THSD7B: variants seen among roughly 807,000 people sequenced by gnomAD.
THSD7B encodes the protein thrombospondin type-1 domain-containing protein 7B.
A neutral mutation model predicts 213.6 loss-of-function variants in THSD7B; 138 were observed. The ratio of observed to expected loss-of-function variants is 0.65; its 90% CI spans 0.56 to 0.74. THSD7B has a LOEUF of 0.74. Ranked by LOEUF, THSD7B falls within the 30% of genes least tolerant of loss-of-function variation. The pLI is 0.00. For synonymous variants in THSD7B, 742 were observed against 687.0 expected (o/e 1.08, Z -1.25); for missense variants, 1,931 against 1,991.5 (o/e 0.97, Z 0.58).
chr2:137,052,671 A>G (rs1687090375), intron 2 of THSD7B, among the ~76,000 whole-genome samples: 1 of 152,098 alleles, frequency 6.6e-6, no homozygotes, highest in Admixed American at 6.6e-5. Context: ...TGGACAAGAG[A>G]TGTAAGATTT....
At chr2:137,476,643 T>C (rs1688199558) in intron 15 of THSD7B, among the ~76,000 whole-genome samples, 2 of 152,172 alleles carry the variant, frequency 1.3e-5, no homozygotes, top group South Asian at 4.1e-4. Flanking sequence ...ACATCTCAGC[T>C]CACTGCCACC....
chr2:137,080,910 A>T lies in THSD7B; in HGVS notation c.951-13963A>T, dbSNP rs74824956. The stretch of plus-strand genomic sequence containing the variant: ...TTGAATGAAGCTTAGTTTCCAGCAA[A>T]TTCTTGAGGAAAATCACAATATACA... On this transcript the variant is annotated intron_variant, in intron 3 of 27. Coordinates refer to ENST00000409968, the MANE Select transcript of THSD7B (RefSeq NM_001316349.2). Among the ~76,000 whole-genome samples the T allele has an allele frequency of 8.3e-3, 1,262 of 152,220 alleles. 15 individuals carry two copies. Among genetic ancestry groups the T allele is most frequent in the African/African-American group, 0.028 (1,178 of 41,546 alleles).
chr2:136,960,825 C>T (rs1234819180), intron 2 of THSD7B, among the ~76,000 whole-genome samples: 1 of 151,290 alleles, frequency 6.6e-6, no homozygotes, highest in Non-Finnish European at 1.5e-5. Flanking sequence ...CGCAGTGGCT[C>T]AGGCCTGTAA....
chr2:137,343,159 G>T (rs1157937401), intron 12 of THSD7B, among the ~76,000 whole-genome samples: 2 of 147,124 alleles, frequency 1.4e-5, no homozygotes, highest in African/African-American at 2.5e-5. Context: ...GTGTTTTTTT[G>T]TTGTTTTTGT....
At position 136,810,414 on chromosome 2, in the gene THSD7B, T is replaced by G. The variant is rs536908928; in HGVS notation, c.-36+44727T>G. On this transcript the variant is annotated intron_variant, in intron 1 of 27. Coordinates refer to ENST00000409968, the MANE Select transcript of THSD7B (RefSeq NM_001316349.2). ...GTGGTCACTAAGTGTAAAAAGAGAG[T>G]CATAGCTCTCTATGCCAGTCCCCAA... Among the ~76,000 whole-genome samples the G allele has an allele frequency of 5.3e-5, 8 of 152,198 alleles. No individual in the cohort carries two copies. The South Asian group carries it at 1.7e-3, about 32-fold the overall frequency.
intron 7 of THSD7B, among the ~76,000 whole-genome samples, chr2:137,198,087 C>CTTCAAATT (rs1163038470): frequency 6.6e-6 from 1 of 152,090 alleles, no homozygotes; most frequent in Non-Finnish European, 1.5e-5. Context: ...CATTATTTAG[C>CTTCAAATT]TTCAAATTTT....
chr2:136,929,421 T>A (rs1197302067), intron 2 of THSD7B, among the ~76,000 whole-genome samples: 1 of 152,184 alleles, frequency 6.6e-6, no homozygotes, highest in Non-Finnish European at 1.5e-5. Flanking sequence ...GTACATCTTG[T>A]TTTTCTATAT....
chr2:137,128,101 T>C (rs1053515236), intron 5 of THSD7B, among the ~76,000 whole-genome samples: 3 of 152,160 alleles, frequency 2.0e-5, no homozygotes, highest in African/African-American at 7.2e-5. Context: ...CTAAAATGGA[T>C]TGGGAACACT....
At position 137,003,417 on chromosome 2, in the gene THSD7B, G is replaced by A. The variant is rs147386860; in HGVS notation, c.140-53003G>A. Among the ~76,000 whole-genome samples the A allele has an allele frequency of 1.1e-3, 167 of 152,278 alleles. 2 individuals are homozygous for A. Among genetic ancestry groups the A allele is most frequent in the African/African-American group, 4.0e-3 (165 of 41,564 alleles). ...TAACAGAAAGTAGAGATAGGATTAT[G>A]GAGATAAGAGGGGTGTAACAATAGA... On this transcript the variant is annotated intron_variant, in intron 2 of 27. Coordinates refer to ENST00000409968, the MANE Select transcript of THSD7B (RefSeq NM_001316349.2).
At chr2:137,295,922 T>G (rs1222686400) in intron 12 of THSD7B, among the ~76,000 whole-genome samples, 1 of 152,150 alleles carries the variant, frequency 6.6e-6, no homozygotes, top group African/African-American at 2.4e-5. Context: ...TGCAAATCCA[T>G]ATCCTGTATG....
intron 15 of THSD7B, among the ~76,000 whole-genome samples, chr2:137,540,069 T>C (rs991786912): frequency 6.6e-6 from 1 of 151,646 alleles, no homozygotes; most frequent in Admixed American, 6.6e-5. Context: ...GTGTGAGATA[T>C]AGAAAAGGGG....
chr2:136,971,829 G>A (rs565969884), intron 2 of THSD7B, among the ~76,000 whole-genome samples: 17 of 152,124 alleles, frequency 1.1e-4, no homozygotes, highest in African/African-American at 2.9e-4. Context: ...ATAATAAGAA[G>A]TTTCGAGATA....
intron 2 of THSD7B, among the ~76,000 whole-genome samples, chr2:136,926,779 C>A (rs1165885844): frequency 6.6e-6 from 1 of 152,092 alleles, no homozygotes. Context: ...CTCAATATTT[C>A]TGTGAATTGC....
chr2:137,458,100 T>C (rs1454566211), intron 15 of THSD7B, among the ~76,000 whole-genome samples: 1 of 152,074 alleles, frequency 6.6e-6, no homozygotes, highest in Non-Finnish European at 1.5e-5. Context: ...GGATGCCTAA[T>C]AATTTCCTAT....
chr2:137,483,440 A>T (rs185454836), intron 15 of THSD7B, among the ~76,000 whole-genome samples: 52 of 152,332 alleles, frequency 3.4e-4, no homozygotes, highest in East Asian at 2.7e-3. Flanking sequence ...AGAAGCTACT[A>T]ATTCCACATG....
chr2:137,388,313 C>T (rs1249159222), intron 12 of THSD7B, among the ~76,000 whole-genome samples: 1 of 151,216 alleles, frequency 6.6e-6, no homozygotes, highest in African/African-American at 2.4e-5. Context: ...TTCATTGAGT[C>T]TTAATTTATA....
intron 6 of THSD7B, among the ~76,000 whole-genome samples, chr2:137,166,327 C>A (rs1187227609): frequency 6.6e-6 from 1 of 152,026 alleles, no homozygotes; most frequent in African/African-American, 2.4e-5. Context: ...GAGAATTAGC[C>A]TGAAAAAATA....
chr2:137,580,800 G>A (rs1020175267), intron 17 of THSD7B, among the ~76,000 whole-genome samples: 1 of 152,156 alleles, frequency 6.6e-6, no homozygotes, highest in Non-Finnish European at 1.5e-5. Flanking sequence ...TAGAACAGGA[G>A]CAAGAGAGAA....
intron 2 of THSD7B, among the ~76,000 whole-genome samples, chr2:136,901,270 C>A (rs1329508926): frequency 6.6e-6 from 1 of 152,138 alleles, no homozygotes; most frequent in South Asian, 2.1e-4. Context: ...GTTTCCAAGT[C>A]GGAGGGCTGC....
Sources: gnomAD v4.1 joint callset for allele counts (sites outside exome capture counted in the v4.1 genomes callset) on GRCh38, gnomAD v4.1.1 for gene constraint, MANE v1.5 for transcripts, NCBI Gene and HGNC (gene_info 2026-07-23, HGNC 2026-07-21) for gene names.